SLC44A5: variants seen among roughly 807,000 people sequenced by gnomAD.
The protein encoded by SLC44A5 is solute carrier family 44 member 5.
A neutral mutation model predicts 101.8 loss-of-function variants in SLC44A5; 57 were observed. The observed-to-expected ratio is 0.56, with a 90% CI of 0.45 to 0.70. SLC44A5 has a LOEUF of 0.70. SLC44A5 is among the 30% of genes least tolerant of loss of function. The pLI is 0.00. For synonymous variants in SLC44A5, 281 were observed against 290.9 expected (o/e 0.97, Z 0.35); for missense variants, 737 against 853.1 (o/e 0.86, Z 1.70).
chr1:75,255,397 A>T (rs1391492103), intron 6 of SLC44A5, among the ~76,000 whole-genome samples: 1 of 151,982 alleles, frequency 6.6e-6, no homozygotes, highest in Non-Finnish European at 1.5e-5. Flanking sequence ...TAAAAGAATA[A>T]TTGGAGAACA....
intron 3 of SLC44A5, among the ~76,000 whole-genome samples, chr1:75,358,854 A>T (rs1201805981): frequency 2.6e-5 from 4 of 152,188 alleles, no homozygotes; most frequent in African/African-American, 9.6e-5. Context: ...GTGGTAAGAC[A>T]TTTGAAATTT....
chr1:75,220,763 A>G (rs963840160), intron 14 of SLC44A5, among the ~76,000 whole-genome samples: 1 of 152,144 alleles, frequency 6.6e-6, no homozygotes, highest in African/African-American at 2.4e-5. Flanking sequence ...AAATAAGATG[A>G]AAATCTTATC....
chr1:75,498,156 G>A (rs1399506682), intron 2 of SLC44A5, among the ~76,000 whole-genome samples: 1 of 152,134 alleles, frequency 6.6e-6, no homozygotes, highest in Non-Finnish European at 1.5e-5. Flanking sequence ...ATTTCTGACA[G>A]TATATTACAC....
At chr1:75,588,230 G>GGGAGGGAA (rs1241922653) in intron 1 of SLC44A5, among the ~76,000 whole-genome samples, 12 of 148,022 alleles carry the variant, frequency 8.1e-5, no homozygotes, top group African/African-American at 3.0e-4. Flanking sequence ...GAAGGAGGGA[G>GGGAGGGAA]GGAGGGAAGG....
intron 6 of SLC44A5, among the ~76,000 whole-genome samples, chr1:75,264,917 C>A (rs1410193972): frequency 1.3e-5 from 2 of 151,784 alleles, no homozygotes; most frequent in Admixed American, 6.6e-5. Flanking sequence ...TAAATAAAAT[C>A]AAAAATAAAA....
the SLC44A5 span, among the ~76,000 whole-genome samples, chr1:75,618,832 G>A: frequency 1.3e-5 from 2 of 152,116 alleles, no homozygotes; most frequent in African/African-American, 2.4e-5. Flanking sequence ...CACTTTGGGA[G>A]GCTGAGATGG....
At chr1:75,500,416 CA>C (rs1194301392) in intron 2 of SLC44A5, among the ~76,000 whole-genome samples, 1 of 152,048 alleles carries the variant, frequency 6.6e-6, no homozygotes. Context: ...GGAAGATAAA[CA>C]AAAGTAATAT....
intron 2 of SLC44A5, among the ~76,000 whole-genome samples, chr1:75,506,395 G>A (rs1210006962): frequency 6.6e-6 from 1 of 152,064 alleles, no homozygotes; most frequent in African/African-American, 2.4e-5. Flanking sequence ...GAAAAATGAT[G>A]TTGATTGATA....
At chr1:75,547,533 C>A (rs1470630550) in intron 1 of SLC44A5, among the ~76,000 whole-genome samples, 6 of 152,134 alleles carry the variant, frequency 3.9e-5, no homozygotes, top group Non-Finnish European at 5.9e-5. Context: ...CCAGTCAAAG[C>A]AAAAGTGTCC....
chr1:75,615,923 C>T, upstream of SLC44A5: 1 of 979,550 alleles, frequency 1.0e-6, no homozygotes, highest in Non-Finnish European at 1.2e-6. Context: ...CCCCCACGCG[C>T]TTCCTCCGGC....
intron 4 of SLC44A5, among the ~76,000 whole-genome samples, chr1:75,318,062 AGT>A (rs1169253446): frequency 6.6e-6 from 1 of 152,130 alleles, no homozygotes; most frequent in African/African-American, 2.4e-5. Flanking sequence ...TAAAAGATAC[AGT>A]TGAAGTTGGT....
rs931240997 is a variant in SLC44A5, at chr1:75,311,526, T to C, written c.102-10841A>G. ...ACAAAGCACTACAATTCAACTTACA[T>C]AACAGGTACCAGCTCCTACTAATAT... On this transcript the variant is annotated intron_variant, in intron 4 of 23. Coordinates refer to ENST00000370859, the MANE Select transcript of SLC44A5 (RefSeq NM_001130058.2). 35 of 983,298 alleles carry C rather than the reference T, an allele frequency of 3.6e-5. No homozygotes were observed. The African/African-American group carries it at 5.9e-4, about 17-fold the overall frequency. 60.9% of individuals were successfully genotyped at this position (983,298 alleles called of 1,614,324 possible).
At chr1:75,393,801 G>T (rs1175146812) in intron 3 of SLC44A5, among the ~76,000 whole-genome samples, 4 of 152,138 alleles carry the variant, frequency 2.6e-5, no homozygotes, top group Non-Finnish European at 5.9e-5. Flanking sequence ...AGATAAAAAT[G>T]AGTTAGGAGG....
chr1:75,686,912 G>A, the SLC44A5 span, among the ~76,000 whole-genome samples: 6 of 152,184 alleles, frequency 3.9e-5, no homozygotes, highest in African/African-American at 9.7e-5. Flanking sequence ...ATTGTGATAT[G>A]AGAGGAAGGA....
chr1:75,499,959 G>C (rs1668867494), intron 2 of SLC44A5, among the ~76,000 whole-genome samples: 1 of 152,094 alleles, frequency 6.6e-6, no homozygotes, highest in Non-Finnish European at 1.5e-5. Context: ...ATTATTACTA[G>C]ACCCTGCCCA....
At chr1:75,415,055 C>G (rs1022358759) in intron 2 of SLC44A5, among the ~76,000 whole-genome samples, 1 of 152,140 alleles carries the variant, frequency 6.6e-6, no homozygotes, top group Non-Finnish European at 1.5e-5. Context: ...GAACAGTATT[C>G]TAGGTGAGAG....
rs1411435889 is a variant in SLC44A5, at chr1:75,203,316, T to C, written c.*411A>G. The C allele has an allele frequency of 6.5e-6, 1 of 152,826 alleles. No individual in the cohort carries two copies. The highest frequency in any genetic ancestry group is 1.5e-5 in the Non-Finnish European group (1 of 68,496). 9.5% of individuals were successfully genotyped at this position (152,826 alleles called of 1,614,324 possible). On this transcript the variant is annotated 3_prime_UTR_variant, in exon 24 of 24. Transcript: ENST00000370859. ...GTGGGAAAAACTTTAAAATTTTTAA[T>C]TTCACTTTGCTGACCAATTTTCCCT...
rs755147517 is a variant in SLC44A5, at chr1:75,211,425, A to T, written c.2047+43T>A. ...ATGGGCCTTCACCATCTCACCTTTC[A>T]GTTATCCACCGAAGGGGGAAAACAC... On this transcript the variant is annotated intron_variant, in intron 23 of 23. Coordinates refer to ENST00000370859, the MANE Select transcript of SLC44A5 (RefSeq NM_001130058.2). 3 of 1,476,766 alleles carry T rather than the reference A, an allele frequency of 2.0e-6. No individual in the cohort carries two copies. In the South Asian group the frequency reaches 3.4e-5, roughly 17 times the overall value. The allele number at this position is 1,476,766 out of a possible 1,614,324, so 91.5% of individuals were successfully genotyped here. A position where few individuals can be genotyped will look rare whatever the true frequency, so the allele number is the denominator to read the frequency against.
intron 2 of SLC44A5, among the ~76,000 whole-genome samples, chr1:75,406,002 A>G (rs1293830848): frequency 1.3e-5 from 2 of 152,148 alleles, no homozygotes; most frequent in Non-Finnish European, 2.9e-5. Context: ...AGAATTAAAT[A>G]GATGCAATAA....
Sources: allele counts gnomAD v4.1 joint callset (sites outside exome capture counted in the v4.1 genomes callset), GRCh38; gene constraint gnomAD v4.1.1; transcripts MANE v1.5; gene names NCBI Gene and HGNC (gene_info 2026-07-23, HGNC 2026-07-21).